PHIP: variants seen among roughly 807,000 people sequenced by gnomAD.
PHIP encodes PHIP subunit of CUL4-Ring ligase complex.
PHIP carries 54 observed loss-of-function variants against 236.8 expected under a neutral mutation model. The observed-to-expected ratio is 0.23, with a 90% CI of 0.18 to 0.29. The LOEUF is 0.29. Ranked by LOEUF, PHIP falls within the 10% of genes least tolerant of loss-of-function variation. PHIP has a pLI of 1.00. For synonymous variants in PHIP, 756 were observed against 718.9 expected (o/e 1.05, Z -0.83); for missense variants, 1,370 against 2,190.8 (o/e 0.63, Z 7.48).
intron 19 of PHIP, among the ~76,000 whole-genome samples, chr6:78,993,872 A>C (rs944098350): frequency 6.6e-5 from 10 of 152,230 alleles, no homozygotes; most frequent in African/African-American, 2.4e-4. Flanking sequence ...ATTGCATTTC[A>C]TAAGGCTATA....
At chr6:78,990,817 G>T (rs1296781737) in intron 20 of PHIP, 51 bp downstream of exon 20, 3 of 980,360 alleles carry the variant, frequency 3.1e-6, no homozygotes, top group African/African-American at 3.3e-5. Flanking sequence ...CCTTAAAATG[G>T]TCACTATACT....
At chr6:78,943,250 T>C (rs1400553066) in intron 39 of PHIP, among the ~76,000 whole-genome samples, 1 of 152,224 alleles carries the variant, frequency 6.6e-6, no homozygotes, top group African/African-American at 2.4e-5. Context: ...TTAGGTGTCA[T>C]TATTTGTAAT....
At chr6:79,012,650 T>A (rs911869141) in intron 15 of PHIP, among the ~76,000 whole-genome samples, 5 of 151,732 alleles carry the variant, frequency 3.3e-5, no homozygotes, top group Admixed American at 1.3e-4. Flanking sequence ...ACTTATTGAT[T>A]AGCTACAGAG....
At chr6:78,945,172 A>C in intron 39 of PHIP, 128 bp downstream of exon 39, 2 of 670,574 alleles carry the variant, frequency 3.0e-6, no homozygotes, top group Non-Finnish European at 5.3e-6. Flanking sequence ...CAGTAAATTT[A>C]TCAACTAATA....
At chr6:79,053,874 T>C (rs1003829695) in intron 6 of PHIP, among the ~76,000 whole-genome samples, 2 of 152,102 alleles carry the variant, frequency 1.3e-5, no homozygotes, top group Non-Finnish European at 2.9e-5. Flanking sequence ...GGAGGGGATA[T>C]CCCTCATCAC....
At chr6:79,041,164 T>C (rs570429715) in intron 7 of PHIP, among the ~76,000 whole-genome samples, 11 of 152,206 alleles carry the variant, frequency 7.2e-5, no homozygotes, top group South Asian at 2.1e-4. Flanking sequence ...CAGGCAACCA[T>C]AGACAATATA....
At chr6:79,074,944 G>A (rs982284797) in intron 4 of PHIP, among the ~76,000 whole-genome samples, 1 of 152,022 alleles carries the variant, frequency 6.6e-6, no homozygotes, top group Non-Finnish European at 1.5e-5. Flanking sequence ...TGATATATGA[G>A]TTCTCCCATT....
chr6:79,017,627 C>CA (rs1390842323), intron 10 of PHIP, 44 bp from the exon 11 acceptor site: 1 of 1,358,990 alleles, frequency 7.4e-7, no homozygotes, highest in Admixed American at 1.7e-5. Flanking sequence ...AACATAACTT[C>CA]AAAATCTCTG....
At chr6:78,955,591 A>G (rs1450858835) in intron 33 of PHIP, 22 bp downstream of exon 33, 4 of 767,986 alleles carry the variant, frequency 5.2e-6, no homozygotes, top group Non-Finnish European at 9.0e-6. Context: ...CAATATGGTA[A>G]TAATAATGAA....
At chr6:79,028,146 A>G (rs1414699906) in intron 7 of PHIP, among the ~76,000 whole-genome samples, 2 of 152,168 alleles carry the variant, frequency 1.3e-5, no homozygotes. Flanking sequence ...GCAGCCTGCA[A>G]GGTAATTTAG....
intron 4 of PHIP, among the ~76,000 whole-genome samples, chr6:79,076,828 G>T (rs1209448970): frequency 6.6e-6 from 1 of 152,010 alleles, no homozygotes; most frequent in Non-Finnish European, 1.5e-5. Flanking sequence ...TTTAGTAAAT[G>T]CAAGACGAAG....
intron 15 of PHIP, among the ~76,000 whole-genome samples, chr6:79,007,341 T>C (rs1450715446): frequency 6.6e-6 from 1 of 152,040 alleles, no homozygotes; most frequent in Non-Finnish European, 1.5e-5. Context: ...TCACCTAATC[T>C]CTGTGGAATG....
intron 4 of PHIP, among the ~76,000 whole-genome samples, chr6:79,063,138 T>C (rs1773462190): frequency 6.6e-6 from 1 of 152,216 alleles, no homozygotes; most frequent in Non-Finnish European, 1.5e-5. Context: ...ATAAGACTCA[T>C]GCACTATACT....
intron 9 of PHIP, among the ~76,000 whole-genome samples, chr6:79,023,940 T>C (rs181822814): frequency 6.6e-6 from 1 of 152,294 alleles, no homozygotes; most frequent in African/African-American, 2.4e-5. Context: ...ATCAGGTCCA[T>C]GAGGAGGTTA....
At chr6:79,077,125 C>T (rs570839804) in intron 4 of PHIP, among the ~76,000 whole-genome samples, 2 of 152,134 alleles carry the variant, frequency 1.3e-5, no homozygotes, top group South Asian at 2.1e-4. Flanking sequence ...CCGACTCTCG[C>T]GCGCCCCCGC....
At position 78,963,080 on chromosome 6, in the gene PHIP, C is replaced by T. The variant is rs776155021; in HGVS notation, c.3535+17G>A. On this transcript the variant is annotated intron_variant, in intron 30 of 39. Transcript: ENST00000275034. Reference sequence around the variant, plus strand: ...GTTCTGCCAGTTTTTTCTATACTCGCGTGTTGCTTTACTTACCTAGTGTCA... The same window carrying T: ...GTTCTGCCAGTTTTTTCTATACTCGTGTGTTGCTTTACTTACCTAGTGTCA... 79 of 1,564,798 alleles carry T rather than the reference C, an allele frequency of 5.0e-5. No homozygotes were observed. Among genetic ancestry groups the T allele is most frequent in the Admixed American group, 2.2e-4 (11 of 48,954 alleles).
At chr6:78,961,943 A>C (rs2127698061) in intron 30 of PHIP, 133 bp from the exon 31 acceptor site, 1 of 656,280 alleles carries the variant, frequency 1.5e-6, no homozygotes, top group Non-Finnish European at 2.6e-6. Flanking sequence ...TTTCATAAAC[A>C]ATATAGTGTA....
chr6:78,944,496 AG>A (rs1252420060), intron 39 of PHIP, among the ~76,000 whole-genome samples: 1 of 152,168 alleles, frequency 6.6e-6, no homozygotes, highest in Non-Finnish European at 1.5e-5. Context: ...AATGTCATGG[AG>A]GTGAGAATGG....
intron 9 of PHIP, among the ~76,000 whole-genome samples, chr6:79,022,733 T>C (rs902289559): frequency 2.8e-4 from 42 of 152,280 alleles, no homozygotes. Flanking sequence ...TAGCTTATGG[T>C]TCACTTAGCC....
Sources: gnomAD v4.1 joint callset for allele counts (sites outside exome capture counted in the v4.1 genomes callset) on GRCh38, gnomAD v4.1.1 for gene constraint, MANE v1.5 for transcripts, NCBI Gene and HGNC (gene_info 2026-07-23, HGNC 2026-07-21) for gene names.